PSTPIP2: variants seen among roughly 807,000 people sequenced by gnomAD.
PSTPIP2 encodes proline-serine-threonine phosphatase-interacting protein 2.
Under a neutral mutation model 63.3 loss-of-function variants are expected in PSTPIP2, and 33 were observed. That is an observed-to-expected ratio of 0.52 (90% CI 0.40 to 0.70). The LOEUF (loss-of-function observed/expected upper bound fraction) is 0.70, where lower values mean the gene tolerates loss of function less well. Among genes scored for constraint, PSTPIP2 ranks in the 30% least tolerant of loss-of-function variants. PSTPIP2 has a pLI of 0.00. For missense variants in PSTPIP2, 312 were observed against 400.7 expected, an observed-to-expected ratio of 0.78 and a Z score of 1.89; for synonymous variants, 125 against 132.7, an observed-to-expected ratio of 0.94 and a Z score of 0.40.
At chr18:45,988,803 T>C in intron 13 of PSTPIP2, 44 bp from the exon 14 acceptor site, 1 of 1,464,706 alleles carries the variant, frequency 6.8e-7, no homozygotes, top group Non-Finnish European at 9.6e-7. Flanking sequence ...CATCAATTTT[T>C]CATAATAAGA....
intron 2 of PSTPIP2, among the ~76,000 whole-genome samples, chr18:46,036,291 CAATT>C (rs745940192): frequency 8.6e-5 from 13 of 150,314 alleles, no homozygotes; most frequent in African/African-American, 1.5e-4. Context: ...ATTATTGTAA[CAATT>C]AGTTGTTACA....
chr18:46,070,159 C>T (rs1379568747), intron 1 of PSTPIP2, among the ~76,000 whole-genome samples: 1 of 152,194 alleles, frequency 6.6e-6, no homozygotes, highest in Non-Finnish European at 1.5e-5. Context: ...GGCAGCCCAC[C>T]TCAGAGGCTT....
chr18:46,006,360 CTTTTTTTTTT>C (rs756384731), intron 5 of PSTPIP2, among the ~76,000 whole-genome samples: 4,091 of 115,614 alleles, frequency 0.035, 266 homozygotes, highest in Non-Finnish European at 0.047. Flanking sequence ...AGCCCTGGTA[CTTTTTTTTTT>C]TTTTTTTTTT....
At chr18:46,040,997 G>A (rs188256605) in intron 1 of PSTPIP2, 179 of 457,630 alleles carry the variant, frequency 3.9e-4, no homozygotes, top group African/African-American at 3.4e-3. Flanking sequence ...ATGTAACCTG[G>A]TGCTATAAAA....
intron 3 of PSTPIP2, among the ~76,000 whole-genome samples, chr18:46,017,711 G>C (rs1164656740): frequency 1.3e-5 from 2 of 151,864 alleles, no homozygotes; most frequent in Non-Finnish European, 2.9e-5. Context: ...TTTGTGGAAT[G>C]GTTCAATAGA....
intron 4 of PSTPIP2, among the ~76,000 whole-genome samples, chr18:46,013,888 T>C (rs2144085392): frequency 6.6e-6 from 1 of 152,262 alleles, no homozygotes; most frequent in East Asian, 1.9e-4. Flanking sequence ...ATTTCCTTTC[T>C]AAATTAGCCT....
At chr18:46,063,317 T>C (rs979254947) in intron 1 of PSTPIP2, among the ~76,000 whole-genome samples, 1 of 152,062 alleles carries the variant, frequency 6.6e-6, no homozygotes, top group African/African-American at 2.4e-5. Flanking sequence ...AAGACACATA[T>C]TGAGTAAAAC....
intron 3 of PSTPIP2, among the ~76,000 whole-genome samples, chr18:46,022,936 T>C (rs999743213): frequency 6.6e-6 from 1 of 151,976 alleles, no homozygotes; most frequent in African/African-American, 2.4e-5. Context: ...TACGAAGCCA[T>C]AAAAAAGAAT....
intron 9 of PSTPIP2, among the ~76,000 whole-genome samples, chr18:45,994,691 TCACCAGCTTAAA>T (rs2051575270): frequency 6.6e-6 from 1 of 152,206 alleles, no homozygotes; most frequent in African/African-American, 2.4e-5. Context: ...TATGTACTCA[TCACCAGCTTAAA>T]CATTTATCAA....
intron 4 of PSTPIP2, among the ~76,000 whole-genome samples, chr18:46,011,596 C>A (rs755828463): frequency 5.9e-5 from 9 of 152,194 alleles, no homozygotes; most frequent in Non-Finnish European, 1.0e-4. Context: ...GGAGACATTA[C>A]CAAAGCCAGC....
chr18:45,991,867 T>C (rs201109374), intron 12 of PSTPIP2, 35 bp downstream of exon 12: 1 of 1,523,572 alleles, frequency 6.6e-7, no homozygotes, highest in East Asian at 2.3e-5. Context: ...TTGTTAAAAG[T>C]ATTTTTCTTC....
At chr18:46,065,472 G>T (rs1909155479) in intron 1 of PSTPIP2, among the ~76,000 whole-genome samples, 1 of 150,364 alleles carries the variant, frequency 6.7e-6, no homozygotes. Context: ...GTTTTCGGTT[G>T]TTTGTTTGTT....
chr18:46,019,195 C>A (rs490878), intron 3 of PSTPIP2, among the ~76,000 whole-genome samples: 151,750 of 152,204 alleles, frequency 1, 75,648 homozygotes, highest in Middle Eastern at 1. Flanking sequence ...GGATTTTGTA[C>A]ACTCACGGTC....
chr18:46,058,057 T>C (rs1394864497), intron 1 of PSTPIP2, among the ~76,000 whole-genome samples: 2 of 151,984 alleles, frequency 1.3e-5, no homozygotes, highest in East Asian at 1.9e-4. Context: ...ATTTCTACTT[T>C]TATGTTTTTT....
At chr18:46,066,433 T>C (rs1909192275) in intron 1 of PSTPIP2, among the ~76,000 whole-genome samples, 1 of 152,252 alleles carries the variant, frequency 6.6e-6, no homozygotes, top group South Asian at 2.1e-4. Flanking sequence ...GTTGTGTGTC[T>C]GTCTCTCTGT....
chr18:46,048,381 T>C (rs943337162), intron 1 of PSTPIP2, among the ~76,000 whole-genome samples: 3 of 152,256 alleles, frequency 2.0e-5, no homozygotes, highest in Admixed American at 6.5e-5. Context: ...TTTGGACTTA[T>C]GACCTCCAGA....
At chr18:46,008,627 T>C (rs1367820272) in intron 5 of PSTPIP2, among the ~76,000 whole-genome samples, 2 of 152,068 alleles carry the variant, frequency 1.3e-5, no homozygotes, top group Admixed American at 6.5e-5. Context: ...TTCTAAAAAC[T>C]GGAAGCATCG....
chr18:46,011,797 G>A (rs1390879998), intron 4 of PSTPIP2, among the ~76,000 whole-genome samples: 2 of 152,150 alleles, frequency 1.3e-5, no homozygotes, highest in East Asian at 3.8e-4. Flanking sequence ...CAAGGAGTAT[G>A]GCCTGCCTTT....
At chr18:46,072,010 C>G in intron 1 of PSTPIP2, 146 bp downstream of exon 1, 1 of 1,065,782 alleles carries the variant, frequency 9.4e-7, no homozygotes, top group East Asian at 3.3e-5. Context: ...GGGCCCCGAT[C>G]CCTTCACGCG....
Sources: allele counts gnomAD v4.1 joint callset (sites outside exome capture counted in the v4.1 genomes callset), GRCh38; gene constraint gnomAD v4.1.1; transcripts MANE v1.5; gene names NCBI Gene and HGNC (gene_info 2026-07-23, HGNC 2026-07-21).